The following MRTFA variants were observed in gnomAD, a reference collection of about 807,000 sequenced individuals.
MRTFA encodes the protein myocardin related transcription factor A.
MRTFA carries 20 observed loss-of-function variants against 83.5 expected under a neutral mutation model. That is an observed-to-expected ratio of 0.24 (90% CI 0.17 to 0.35). The LOEUF (loss-of-function observed/expected upper bound fraction) is 0.35. Among genes scored for constraint, MRTFA ranks in the 10% least tolerant of loss-of-function variants. MRTFA has a pLI of 1.00. For missense variants in MRTFA, 1,200 were observed against 1,224.7 expected (o/e 0.98, Z 0.30); for synonymous variants, 659 against 541.2 (o/e 1.22, Z -3.02).
At chr22:40,513,231 T>A (rs1162116253) in intron 3 of MRTFA, among the ~76,000 whole-genome samples, 1 of 152,214 alleles carries the variant, frequency 6.6e-6, no homozygotes, top group Non-Finnish European at 1.5e-5. Flanking sequence ...TATTCTGAGA[T>A]GCAGGAGGTA....
chr22:40,435,656 G>C, intron 4 of MRTFA, 102 bp from the exon 5 acceptor site: 2 of 1,328,966 alleles, frequency 1.5e-6, no homozygotes, highest in Admixed American at 1.7e-5. Flanking sequence ...TTACTGGCTG[G>C]GCGTGGTGGC....
chr22:40,505,313 T>C (rs1307163429), intron 3 of MRTFA, among the ~76,000 whole-genome samples: 1 of 152,250 alleles, frequency 6.6e-6, no homozygotes, highest in Non-Finnish European at 1.5e-5. Context: ...TCCTCTCTCA[T>C]ACTGTATCTA....
chr22:40,461,057 A>G (rs2053701219), intron 4 of MRTFA, among the ~76,000 whole-genome samples: 1 of 151,734 alleles, frequency 6.6e-6, no homozygotes, highest in South Asian at 2.1e-4. Flanking sequence ...ATAATTAGCC[A>G]GGCATGATGG....
chr22:40,504,356 G>A (rs923241697), intron 3 of MRTFA, among the ~76,000 whole-genome samples: 1 of 152,104 alleles, frequency 6.6e-6, no homozygotes, highest in Non-Finnish European at 1.5e-5. Context: ...TCCAGCCTGA[G>A]GAAGACCTGG....
chr22:40,592,364 C>T (rs1475530649), intron 2 of MRTFA, among the ~76,000 whole-genome samples: 1 of 151,406 alleles, frequency 6.6e-6, no homozygotes, highest in African/African-American at 2.4e-5. Flanking sequence ...AGAAGGATCA[C>T]TCGAACCCAG....
intron 3 of MRTFA, among the ~76,000 whole-genome samples, chr22:40,527,500 G>C (rs1256754213): frequency 6.6e-6 from 1 of 151,882 alleles, no homozygotes; most frequent in Non-Finnish European, 1.5e-5. Context: ...GCTCACGTCT[G>C]TAATCCCAGC....
At position 40,417,056 on chromosome 22, in the gene MRTFA, A is replaced by C; in HGVS notation, c.2518-10T>G. On this transcript the variant is annotated splice_polypyrimidine_tract_variant and intron_variant, in intron 13 of 14. Coordinates refer to ENST00000355630, the MANE Select transcript of MRTFA (RefSeq NM_020831.6). ...TTGAGGAACCATTTTCCTGTGGGAC[A>C]AAGGAAAAAAAAAAAAGAGATAAAA... 6.3e-7 allele frequency: 1 copy of C among 1,576,322 alleles called. No individual in the cohort carries two copies. The highest frequency in any genetic ancestry group is 1.2e-5 in the South Asian group (1 of 85,790).
chr22:40,501,110 C>A (rs2054465693), intron 3 of MRTFA, among the ~76,000 whole-genome samples: 1 of 64,458 alleles, frequency 1.6e-5, no homozygotes, highest in Non-Finnish European at 2.9e-5. Context: ...GGCAGAGGCG[C>A]CCCTCACCTC....
chr22:40,570,577 C>CCAAAAAA (rs1366723006), intron 2 of MRTFA, among the ~76,000 whole-genome samples: 4 of 23,152 alleles, frequency 1.7e-4, no homozygotes, highest in Middle Eastern at 0.024. Flanking sequence ...GACTCTGTCT[C>CCAAAAAA]AAAAAAAAAA....
intron 3 of MRTFA, among the ~76,000 whole-genome samples, chr22:40,491,509 T>C (rs1047308358): frequency 1.3e-5 from 2 of 152,220 alleles, no homozygotes; most frequent in Non-Finnish European, 2.9e-5. Context: ...TGTCTTAGTG[T>C]TATAAACCTT....
chr22:40,530,434 C>T (rs1324601090), intron 3 of MRTFA, among the ~76,000 whole-genome samples: 2 of 152,216 alleles, frequency 1.3e-5, no homozygotes, highest in Admixed American at 6.5e-5. Context: ...GTAGCTGGGA[C>T]TACAGACATG....
At chr22:40,635,873 G>A (rs1440482687) in intron 1 of MRTFA, among the ~76,000 whole-genome samples, 1 of 152,172 alleles carries the variant, frequency 6.6e-6, no homozygotes, top group Non-Finnish European at 1.5e-5. Context: ...CGACTCAAAA[G>A]GTCCAGCCCT....
At chr22:40,587,386 G>C (rs923328026) in intron 2 of MRTFA, 3 of 381,198 alleles carry the variant, frequency 7.9e-6, no homozygotes, top group Non-Finnish European at 1.5e-5. Context: ...CATTAGAGAC[G>C]ATGCAGGGTC....
At chr22:40,456,070 C>T (rs936039047) in intron 4 of MRTFA, among the ~76,000 whole-genome samples, 2 of 151,976 alleles carry the variant, frequency 1.3e-5, no homozygotes, top group Admixed American at 6.6e-5. Context: ...GCTGGGATTA[C>T]AGGCATAAGC....
intron 1 of MRTFA, among the ~76,000 whole-genome samples, chr22:40,598,997 TAAA>T (rs577125107): frequency 2.4e-5 from 2 of 84,512 alleles, no homozygotes; most frequent in Non-Finnish European, 2.4e-5. Flanking sequence ...AAACTCCATC[TAAA>T]AAAAAAAAAA....
At chr22:40,591,084 G>C (rs1251673232) in intron 2 of MRTFA, among the ~76,000 whole-genome samples, 2 of 152,066 alleles carry the variant, frequency 1.3e-5, no homozygotes, top group African/African-American at 4.8e-5. Context: ...GCAGTGAGCT[G>C]AGATCGCGCC....
chr22:40,452,437 A>G (rs536667357), intron 4 of MRTFA, among the ~76,000 whole-genome samples: 1 of 152,314 alleles, frequency 6.6e-6, no homozygotes, highest in East Asian at 1.9e-4. Flanking sequence ...TTAGCCTTGG[A>G]TATCTCAGAT....
rs151226860 is a variant in MRTFA, at chr22:40,493,368, A to G, written c.242-30082T>C. ...AAAAATGAAAACCTCTATGCTGATCAATCTGTTCCACTAGGAAACTAGATA... is the reference window on the plus strand; with the variant it reads ...AAAAATGAAAACCTCTATGCTGATCGATCTGTTCCACTAGGAAACTAGATA... On this transcript the variant is annotated intron_variant, in intron 3 of 14. Coordinates refer to ENST00000355630, the MANE Select transcript of MRTFA (RefSeq NM_020831.6). Among the ~76,000 whole-genome samples, 135 of 152,346 alleles carry G rather than the reference A, an allele frequency of 8.9e-4. 1 individual carries two copies. The Middle Eastern group carries it at 0.02, about 23-fold the overall frequency.
chr22:40,596,221 T>C (rs114081476), intron 1 of MRTFA, among the ~76,000 whole-genome samples: 2,419 of 152,214 alleles, frequency 0.016, 67 homozygotes, highest in African/African-American at 0.055. Flanking sequence ...TAATTTTTAT[T>C]ATTTAAGATA....
Sources: allele counts gnomAD v4.1 joint callset (sites outside exome capture counted in the v4.1 genomes callset), GRCh38; gene constraint gnomAD v4.1.1; transcripts MANE v1.5; gene names NCBI Gene and HGNC (gene_info 2026-07-23, HGNC 2026-07-21).